Variants in CDK13 observed in about 807,000 individuals in gnomAD.
CDK13 encodes the protein cyclin-dependent kinase 13.
In CDK13, 40 loss-of-function variants were observed where a neutral mutation model predicts 137.6. That is an observed-to-expected ratio of 0.29 (90% CI 0.23 to 0.38). The LOEUF (loss-of-function observed/expected upper bound fraction) is 0.38, where lower values mean the gene tolerates loss of function less well. CDK13 is among the 10% of genes least tolerant of loss of function. The pLI is 1.00. For missense variants in CDK13, 1,704 were observed against 1,951.8 expected (o/e 0.87, Z 2.39); for synonymous variants, 869 against 760.1 (o/e 1.14, Z -2.36).
intron 9 of CDK13, chr7:40,070,241 AAAAT>A (rs1436845054): frequency 6.6e-6 from 1 of 151,138 alleles, no homozygotes; most frequent in Non-Finnish European, 1.5e-5. Flanking sequence ...CTCCATCTCA[AAAAT>A]AAATAAAAAA....
At chr7:40,040,264 C>G (rs1785577256) in intron 5 of CDK13, among the ~76,000 whole-genome samples, 1 of 152,158 alleles carries the variant, frequency 6.6e-6, no homozygotes, top group Non-Finnish European at 1.5e-5. Context: ...TCTGGCTATT[C>G]AGTTATCCCA....
At chr7:40,026,948 G>T (rs975039202) in intron 5 of CDK13, among the ~76,000 whole-genome samples, 18 of 152,208 alleles carry the variant, frequency 1.2e-4, no homozygotes, top group African/African-American at 4.3e-4. Flanking sequence ...TTAGGGAGAT[G>T]ATTCGCACCT....
At chr7:39,981,676 T>A (rs533830061) in intron 1 of CDK13, among the ~76,000 whole-genome samples, 1 of 152,178 alleles carries the variant, frequency 6.6e-6, no homozygotes, top group Admixed American at 6.5e-5. Flanking sequence ...AAATAAATAG[T>A]TTAAGGAAGG....
At chr7:40,024,616 GTCT>G (rs1785201529) in intron 5 of CDK13, among the ~76,000 whole-genome samples, 1 of 141,942 alleles carries the variant, frequency 7.0e-6, no homozygotes, top group Admixed American at 7.1e-5. Flanking sequence ...CTTGGTGGTG[GTCT>G]TCTTCCAAGA....
At chr7:40,034,269 T>C (rs566751923) in intron 5 of CDK13, among the ~76,000 whole-genome samples, 1 of 152,332 alleles carries the variant, frequency 6.6e-6, no homozygotes, top group African/African-American at 2.4e-5. Context: ...GTTCTCTGTA[T>C]CCTGAACCTG....
intron 5 of CDK13, among the ~76,000 whole-genome samples, chr7:40,044,700 G>A (rs1471193707): frequency 6.6e-6 from 1 of 151,678 alleles, no homozygotes; most frequent in Non-Finnish European, 1.5e-5. Flanking sequence ...GCAGTAGCGT[G>A]ATCTCGGCTC....
chr7:40,055,714 G>A (rs558567748), intron 7 of CDK13, among the ~76,000 whole-genome samples: 102 of 152,028 alleles, frequency 6.7e-4, no homozygotes, highest in Non-Finnish European at 1.2e-3. Flanking sequence ...CAGCAGCTGG[G>A]ATTACAGGCA....
rs567881221 is a variant in CDK13 at position 40,019,808 on chromosome 7, A to G, written c.2353+17777A>G. Among the ~76,000 whole-genome samples the G allele has an allele frequency of 3.9e-5, 6 of 152,276 alleles. No homozygotes were observed. The South Asian group carries it at 1.2e-3, about 32-fold the overall frequency. ...ACCGTATGGGAATCTGTTAGCTTACATGAGAAGAGACCCAGAGATAAGGGC... is the reference window on the plus strand; with the variant it reads ...ACCGTATGGGAATCTGTTAGCTTACGTGAGAAGAGACCCAGAGATAAGGGC... On this transcript the variant is annotated intron_variant, in intron 5 of 13. Transcript: ENST00000181839.
intron 5 of CDK13, among the ~76,000 whole-genome samples, chr7:40,020,355 G>A (rs908474020): frequency 1.3e-5 from 2 of 152,002 alleles, no homozygotes; most frequent in African/African-American, 4.8e-5. Flanking sequence ...GGTGTGAGCC[G>A]CTGCACCCGG....
Position 39,951,434 on chromosome 7 carries a change from T to C in CDK13, c.793T>C (p.Ser265Pro). The C allele has an allele frequency of 2.0e-6, 3 of 1,534,288 alleles. No homozygotes were observed. Among genetic ancestry groups the C allele is most frequent in the Non-Finnish European group, 2.6e-6 (3 of 1,141,538 alleles). ...GGRRKSASAT[S>P]SSSSSRKDRD... ...CCGCCGGAAAAGCGCTTCGGCCACA[T>C]CCAGCAGCAGTAGCAGCCGCAAGGA... The change falls in exon 1 of 14, where the codon TCC becomes CCC. Residue 265 changes from serine to proline, a missense_variant. Transcript: ENST00000181839.
rs374560771 is a variant in CDK13, at chr7:40,062,894, G to A, written c.2669G>A (p.Arg890Gln). Residue 890 changes from arginine (R) to glutamine (Q), a missense_variant, in exon 8 of 14, where the codon CGA becomes CAA. This residue lies in a region of CDK13 where 130 missense variants were observed against 362.4 expected (regional missense o/e 0.36). Coordinates refer to ENST00000181839, the MANE Select transcript of CDK13 (RefSeq NM_003718.5). Reference sequence around the variant, plus strand: ...CCTGAACTGCTACTGGGAGAAGAACGATACACACCAGCCATTGATGTATGG... The same window carrying A: ...CCTGAACTGCTACTGGGAGAAGAACAATACACACCAGCCATTGATGTATGG... ...RPPELLLGEE[R>Q]YTPAIDVWSC... 6 of 1,613,766 alleles carry A rather than the reference G, an allele frequency of 3.7e-6. No individual in the cohort carries two copies. Among genetic ancestry groups the A allele is most frequent in the Non-Finnish European group, 4.2e-6 (5 of 1,179,712 alleles).
chr7:39,965,563 CTT>C (rs1427280035), intron 1 of CDK13, among the ~76,000 whole-genome samples: 5 of 152,280 alleles, frequency 3.3e-5, no homozygotes, highest in African/African-American at 9.6e-5. Context: ...GGTCTTGACT[CTT>C]TATCCAATTT....
In CDK13 at chr7:40,088,420, C is replaced by A; in HGVS notation, c.3235+89C>A. On this transcript the variant is annotated intron_variant, in intron 12 of 13. Coordinates refer to ENST00000181839, the MANE Select transcript of CDK13 (RefSeq NM_003718.5). ...GCTCTAATGTTAAAGCATCTTGTGGCTAACAATGAAAATTAACATTTATTC... is the reference window on the plus strand; with the variant it reads ...GCTCTAATGTTAAAGCATCTTGTGGATAACAATGAAAATTAACATTTATTC... 1.6e-5 allele frequency: 16 copies of A among 1,026,558 alleles called. No individual in the cohort carries two copies. In the South Asian group the frequency reaches 2.0e-4, roughly 13 times the overall value. The allele number at this position is 1,026,558 out of a possible 1,614,324, so 63.6% of individuals were successfully genotyped here.
intron 5 of CDK13, among the ~76,000 whole-genome samples, chr7:40,028,766 A>G (rs1465346986): frequency 6.6e-6 from 1 of 152,014 alleles, no homozygotes; most frequent in African/African-American, 2.4e-5. Flanking sequence ...TTTTCAAAAT[A>G]AAGTTCCTCT....
At chr7:40,059,937 G>A (rs188526601) in intron 7 of CDK13, among the ~76,000 whole-genome samples, 24 of 152,112 alleles carry the variant, frequency 1.6e-4, no homozygotes, top group African/African-American at 5.8e-4. Context: ...CTTATTTCTT[G>A]TCTAACAGAA....
chr7:40,025,410 T>C (rs1018407224), intron 5 of CDK13, among the ~76,000 whole-genome samples: 3 of 152,102 alleles, frequency 2.0e-5, no homozygotes, highest in African/African-American at 7.2e-5. Flanking sequence ...TATATAAAAT[T>C]ATAATTTAAA....
chr7:39,990,142 T>C (rs922346086), intron 2 of CDK13, among the ~76,000 whole-genome samples: 2 of 152,230 alleles, frequency 1.3e-5, no homozygotes, highest in African/African-American at 2.4e-5. Flanking sequence ...TTTCAAGAAC[T>C]CTTACGTATA....
intron 1 of CDK13, among the ~76,000 whole-genome samples, chr7:39,953,723 T>A (rs1176249059): frequency 1.3e-5 from 2 of 152,206 alleles, no homozygotes; most frequent in African/African-American, 4.8e-5. Context: ...GGTGTTTACA[T>A]TGACCACCAG....
chr7:40,024,619 T>G (rs1562735120), intron 5 of CDK13, among the ~76,000 whole-genome samples: 1 of 149,686 alleles, frequency 6.7e-6, no homozygotes, highest in African/African-American at 2.5e-5. Context: ...GGTGGTGGTC[T>G]TCTTCCAAGA....
Sources: allele counts gnomAD v4.1 joint callset (sites outside exome capture counted in the v4.1 genomes callset), GRCh38; gene constraint gnomAD v4.1.1; regional missense constraint gnomAD v4.1.1; transcripts MANE v1.5; gene names NCBI Gene and HGNC (gene_info 2026-07-23, HGNC 2026-07-21).